The following C1orf21 variants were observed in gnomAD, a reference collection of about 807,000 sequenced individuals.
C1orf21 encodes the protein chromosome 1 open reading frame 21.
C1orf21 carries 3 observed loss-of-function variants against 18.7 expected under a neutral mutation model. That is an observed-to-expected ratio of 0.16 (90% confidence interval 0.07 to 0.42). C1orf21 has a LOEUF of 0.42. Ranked by LOEUF, C1orf21 falls within the 10% of genes least tolerant of loss-of-function variation. The pLI is 0.99. For synonymous variants in C1orf21, 41 were observed against 46.4 expected, an observed-to-expected ratio of 0.88 and a Z score of 0.47; for missense variants, 104 against 143.6, an observed-to-expected ratio of 0.72 and a Z score of 1.41.
intron 3 of C1orf21, among the ~76,000 whole-genome samples, chr1:184,521,510 A>C (rs2101969357): frequency 6.6e-6 from 1 of 152,314 alleles, no homozygotes; most frequent in African/African-American, 2.4e-5. Context: ...TAAGTGAGAA[A>C]AGCCAGTCTG....
chr1:184,461,344 A>G (rs1657305133), intron 1 of C1orf21, among the ~76,000 whole-genome samples: 2 of 152,218 alleles, frequency 1.3e-5, no homozygotes, highest in African/African-American at 4.8e-5. Context: ...GGTTTTAAGC[A>G]TACCAAATAA....
intron 3 of C1orf21, among the ~76,000 whole-genome samples, chr1:184,543,917 C>A (rs1658693574): frequency 6.6e-6 from 1 of 152,124 alleles, no homozygotes; most frequent in Admixed American, 6.6e-5. Flanking sequence ...GGAACTAAAT[C>A]CAGATAAAGA....
intron 1 of C1orf21, among the ~76,000 whole-genome samples, chr1:184,407,820 CA>C (rs1210236549): frequency 1.3e-5 from 2 of 152,112 alleles, no homozygotes; most frequent in African/African-American, 2.4e-5. Context: ...TATCCTTTTA[CA>C]AAATGAAGTG....
At chr1:184,458,629 T>G (rs1280666195) in intron 1 of C1orf21, among the ~76,000 whole-genome samples, 1 of 152,210 alleles carries the variant, frequency 6.6e-6, no homozygotes, top group Non-Finnish European at 1.5e-5. Context: ...CATTCACTTA[T>G]ACCAACTCTG....
intron 1 of C1orf21, among the ~76,000 whole-genome samples, chr1:184,410,617 T>TTTTATATATA (rs1553247966): frequency 3.8e-4 from 8 of 21,154 alleles, no homozygotes; most frequent in African/African-American, 5.1e-4. Flanking sequence ...GCCATATATA[T>TTTTATATATA]TATATATATA....
intron 5 of C1orf21, among the ~76,000 whole-genome samples, chr1:184,606,933 A>G (rs184563730): frequency 4.5e-4 from 68 of 152,352 alleles, no homozygotes; most frequent in African/African-American, 1.5e-3. Flanking sequence ...ATTCCCGTTT[A>G]TATCAGCTGG....
At chr1:184,501,995 A>G (rs2101961229) in intron 2 of C1orf21, among the ~76,000 whole-genome samples, 1 of 152,340 alleles carries the variant, frequency 6.6e-6, no homozygotes, top group East Asian at 1.9e-4. Context: ...TAAATTTTAA[A>G]ACATTAAACA....
At chr1:184,575,884 A>C (rs1429186217) in intron 3 of C1orf21, among the ~76,000 whole-genome samples, 1 of 152,018 alleles carries the variant, frequency 6.6e-6, no homozygotes, top group African/African-American at 2.4e-5. Flanking sequence ...AATTGATACA[A>C]ATAGGAAGAC....
chr1:184,608,790 T>C (rs1244070366), intron 5 of C1orf21, among the ~76,000 whole-genome samples: 2 of 152,180 alleles, frequency 1.3e-5, no homozygotes. Flanking sequence ...CCTACTTATC[T>C]TCCTCTTCTG....
At chr1:184,441,728 A>G (rs1366531127) in intron 1 of C1orf21, among the ~76,000 whole-genome samples, 2 of 152,226 alleles carry the variant, frequency 1.3e-5, no homozygotes, top group Non-Finnish European at 2.9e-5. Flanking sequence ...TTACAATTCT[A>G]AATTGATTGA....
chr1:184,453,422 A>G (rs912070609), intron 1 of C1orf21, among the ~76,000 whole-genome samples: 1 of 152,212 alleles, frequency 6.6e-6, no homozygotes, highest in Non-Finnish European at 1.5e-5. Context: ...GTACTGACGA[A>G]TATACAATTT....
At chr1:184,399,209 A>G (rs1383677769) in intron 1 of C1orf21, among the ~76,000 whole-genome samples, 1 of 152,098 alleles carries the variant, frequency 6.6e-6, no homozygotes, top group African/African-American at 2.4e-5. Flanking sequence ...GATTCCCTGT[A>G]TCCTGACTGC....
At chr1:184,468,163 C>T (rs1297530687) in intron 1 of C1orf21, among the ~76,000 whole-genome samples, 1 of 152,282 alleles carries the variant, frequency 6.6e-6, no homozygotes, top group Non-Finnish European at 1.5e-5. Flanking sequence ...CTAGATAGAC[C>T]TTGACAGTTC....
At chr1:184,404,901 T>C (rs905416199) in intron 1 of C1orf21, among the ~76,000 whole-genome samples, 6 of 152,130 alleles carry the variant, frequency 3.9e-5, no homozygotes, top group African/African-American at 1.4e-4. Flanking sequence ...TGCTTGGATT[T>C]CTATTTGTTT....
intron 2 of C1orf21, among the ~76,000 whole-genome samples, chr1:184,493,996 A>G (rs1441294015): frequency 6.6e-6 from 1 of 152,236 alleles, no homozygotes; most frequent in Non-Finnish European, 1.5e-5. Flanking sequence ...TAATATGATA[A>G]TGATTGCCCT....
intron 2 of C1orf21, among the ~76,000 whole-genome samples, chr1:184,486,145 G>T (rs1657729605): frequency 6.6e-6 from 1 of 152,202 alleles, no homozygotes; most frequent in Non-Finnish European, 1.5e-5. Context: ...TTCTTCTGAA[G>T]TAAAAGTGCT....
At chr1:184,586,346 A>G (rs911851355) in intron 3 of C1orf21, among the ~76,000 whole-genome samples, 5 of 144,394 alleles carry the variant, frequency 3.5e-5, no homozygotes, top group African/African-American at 1.0e-4. Flanking sequence ...GCAGTGGTGC[A>G]ATCTCGGCTC....
At chr1:184,491,134 A>C (rs926778378) in intron 2 of C1orf21, among the ~76,000 whole-genome samples, 38 of 152,326 alleles carry the variant, frequency 2.5e-4, no homozygotes, top group South Asian at 6.2e-4. Context: ...TGGCACACAA[A>C]AAGTGCTGTA....
chr1:184,595,499 G>A (rs559616864), intron 4 of C1orf21, among the ~76,000 whole-genome samples: 8 of 152,252 alleles, frequency 5.3e-5, no homozygotes, highest in Non-Finnish European at 1.5e-5. Context: ...CATGGGAAGA[G>A]GGGACCCATG....
Sources: gnomAD v4.1 joint callset for allele counts (sites outside exome capture counted in the v4.1 genomes callset) on GRCh38, gnomAD v4.1.1 for gene constraint, MANE v1.5 for transcripts, NCBI Gene and HGNC (gene_info 2026-07-23, HGNC 2026-07-21) for gene names.